MYH15: variants seen among roughly 807,000 people sequenced by gnomAD.
MYH15 encodes the protein myosin-15.
Under a neutral mutation model 240.5 loss-of-function variants are expected in MYH15, and 227 were observed. The observed-to-expected ratio is 0.94, with a 90% confidence interval of 0.85 to 1.05. The LOEUF (loss-of-function observed/expected upper bound fraction) is 1.05, where lower values mean the gene tolerates loss of function less well. MYH15 is among the 50% of genes least tolerant of loss of function. The pLI is 0.00. For synonymous variants in MYH15, 785 were observed against 796.7 expected, an observed-to-expected ratio of 0.99 and a Z score of 0.25; for missense variants, 2,217 against 2,247.5, an observed-to-expected ratio of 0.99 and a Z score of 0.27.
At position 108,441,124 on chromosome 3, in the gene MYH15, C is replaced by T. The variant is rs1383362656; in HGVS notation, c.2792G>A (p.Arg931Lys). 2 of 1,614,062 alleles carry T rather than the reference C, an allele frequency of 1.2e-6. No homozygotes were observed. The highest frequency in any genetic ancestry group is 2.7e-5 in the African/African-American group (2 of 74,932). The change falls in exon 23 of 41, where the codon AGG (arginine) becomes AAG (lysine). Residue 931 changes from arginine (R) to lysine (K), a missense_variant. Transcript: ENST00000693548. ...EEEINSELTA[R>K]GRKLEDECFE... ...ACATTCATCTTCGAGTTTCCGCCCC[C>T]TGGCAGTCAGCTCAGAATTTATCTC...
intron 11 of MYH15, among the ~76,000 whole-genome samples, chr3:108,480,073 A>C (rs1053374633): frequency 4.6e-5 from 7 of 152,230 alleles, no homozygotes; most frequent in African/African-American, 1.4e-4. Context: ...AATCTATGAG[A>C]GTAAATAAGA....
At chr3:108,493,256 T>C in intron 7 of MYH15, 79 bp from the exon 8 acceptor site, 1 of 1,020,002 alleles carries the variant, frequency 9.8e-7, no homozygotes, top group South Asian at 1.3e-5. Context: ...AATGGCTTCA[T>C]TATATGTAAC....
chr3:108,398,961 G>A, intron 34 of MYH15, 114 bp downstream of exon 34: 1 of 1,454,660 alleles, frequency 6.9e-7, no homozygotes, highest in Admixed American at 1.7e-5. Flanking sequence ...TCTCTGGAAA[G>A]ATTAGATTTG....
chr3:108,445,008 T>C, intron 21 of MYH15, 113 bp from the exon 22 acceptor site: 2 of 1,244,696 alleles, frequency 1.6e-6, no homozygotes, highest in Non-Finnish European at 2.2e-6. Context: ...AAAATTCTTA[T>C]TAGTCTTCAA....
intron 9 of MYH15, 90 bp from the exon 10 acceptor site, chr3:108,486,616 G>T (rs1312774298): frequency 2.6e-6 from 2 of 760,520 alleles, no homozygotes; most frequent in Non-Finnish European, 2.1e-6. Flanking sequence ...TTAGTCTACA[G>T]TTTATATCAT....
intron 1 of MYH15, chr3:108,529,242 A>G (rs772002052): frequency 1.3e-6 from 2 of 1,598,684 alleles, no homozygotes; most frequent in African/African-American, 1.3e-5. Flanking sequence ...AAATTAAAAC[A>G]TATGTTGGGA....
At chr3:108,532,673 GC>G, upstream of MYH15, among the ~76,000 whole-genome samples, 1 of 152,070 alleles carries the variant, frequency 6.6e-6, no homozygotes, top group Middle Eastern at 3.2e-3. Flanking sequence ...CTGTTTCTCT[GC>G]AGAACCTTGA....
rs548706892 is a variant in MYH15, at chr3:108,497,953, G to A, written c.618+99C>T. 82 of 946,238 alleles carry A rather than the reference G, an allele frequency of 8.7e-5. No individual in the cohort carries two copies. In the African/African-American group the frequency reaches 1.2e-3, roughly 13 times the overall value. 58.6% of individuals were successfully genotyped at this position (946,238 alleles called of 1,614,324 possible). On this transcript the variant is annotated intron_variant, in intron 6 of 40. Coordinates refer to ENST00000693548, the MANE Select transcript of MYH15 (RefSeq NM_014981.3). ...TATAATTTGCAAATTGTCCTGTGGT[G>A]CTTGTGGCCTCACTTCCCAAAAGTG...
intron 31 of MYH15, among the ~76,000 whole-genome samples, chr3:108,409,958 C>T (rs1219855449): frequency 2.0e-5 from 3 of 152,162 alleles, no homozygotes; most frequent in Non-Finnish European, 4.4e-5. Flanking sequence ...CATGTACAGG[C>T]ATGCAAAGAC....
At chr3:108,450,180 T>A (rs1186486454) in intron 21 of MYH15, among the ~76,000 whole-genome samples, 1 of 152,180 alleles carries the variant, frequency 6.6e-6, no homozygotes, top group Admixed American at 6.5e-5. Context: ...GGAACTACCA[T>A]AGGATCTATC....
chr3:108,511,622 CA>C (rs199725130), upstream of MYH15, among the ~76,000 whole-genome samples: 5 of 151,964 alleles, frequency 3.3e-5, no homozygotes, highest in Non-Finnish European at 5.9e-5. Flanking sequence ...TCTATTTGGA[CA>C]AAAAAAGTCT....
intron 28 of MYH15, 147 bp downstream of exon 28, chr3:108,420,941 G>T: frequency 8.9e-7 from 1 of 1,126,282 alleles, no homozygotes; most frequent in Non-Finnish European, 1.3e-6. Flanking sequence ...GCATGTGTGT[G>T]GCAAAGCTGT....
In MYH15 at chr3:108,389,014, C is replaced by T; in HGVS notation, c.5491G>A (p.Gly1831Arg). Reference protein sequence around the residue: ...EIRRSAEAQRGARRLERCIKE... With the variant: ...EIRRSAEAQRRARRLERCIKE... Reference sequence around the variant, plus strand: ...ATGCATCGCTCAAGTCTGCGGGCTCCCCTCTGGGCCTCTGCACTGCGACGG... The same window carrying T: ...ATGCATCGCTCAAGTCTGCGGGCTCTCCTCTGGGCCTCTGCACTGCGACGG... Residue 1831 changes from glycine (G) to arginine (R), a missense_variant, in exon 38 of 41, where the codon GGA becomes AGA. Gly to Arg is a moderately radical substitution (Grantham distance 125). Transcript: ENST00000693548. The T allele has an allele frequency of 1.9e-6, 3 of 1,613,720 alleles. No homozygotes were observed. Among genetic ancestry groups the T allele is most frequent in the Non-Finnish European group, 2.5e-6 (3 of 1,179,826 alleles).
chr3:108,470,301 C>G (rs2083161512), intron 13 of MYH15, 89 bp from the exon 14 acceptor site: 2 of 925,636 alleles, frequency 2.2e-6, no homozygotes, highest in Admixed American at 5.7e-5. Context: ...AAACCATAAC[C>G]ATTATTATAT....
intron 30 of MYH15, among the ~76,000 whole-genome samples, chr3:108,411,537 G>GT (rs1576216760): frequency 6.6e-6 from 1 of 152,082 alleles, no homozygotes; most frequent in Non-Finnish European, 1.5e-5. Flanking sequence ...TTCTTATGGG[G>GT]TTTTTTAGCC....
intron 21 of MYH15, 47 bp downstream of exon 21, chr3:108,453,959 G>T (rs1403420380): frequency 6.4e-7 from 1 of 1,571,272 alleles, no homozygotes. Flanking sequence ...ACTGGTTGAG[G>T]CACACTATTA....
chr3:108,389,529 C>CT (rs1226683327), intron 37 of MYH15, among the ~76,000 whole-genome samples: 1 of 152,184 alleles, frequency 6.6e-6, no homozygotes, highest in Non-Finnish European at 1.5e-5. Flanking sequence ...TCCAGTCCTG[C>CT]TTGAGCTGCC....
At chr3:108,456,657 T>G (rs554638043) in intron 19 of MYH15, 109 bp downstream of exon 19, 5 of 740,012 alleles carry the variant, frequency 6.8e-6, no homozygotes, top group Non-Finnish European at 1.2e-5. Context: ...CATCGATTTG[T>G]AGTCTGGAGG....
rs2083296106 is a variant in MYH15 at position 108,485,240 on chromosome 3, A to G, written c.976-11T>C. 2.5e-6 allele frequency: 4 copies of G among 1,613,748 alleles called. No individual in the cohort carries two copies. Among genetic ancestry groups the G allele is most frequent in the South Asian group, 2.2e-5 (2 of 90,988 alleles). ...GATGTCCATGGCTTGCTGTAAAAAG[A>G]GAAACAGATGGCCCTGTCTTCATTT... On this transcript the variant is annotated splice_polypyrimidine_tract_variant and intron_variant, in intron 10 of 40. Transcript: ENST00000693548.
Sources: gnomAD v4.1 joint callset for allele counts (sites outside exome capture counted in the v4.1 genomes callset) on GRCh38, gnomAD v4.1.1 for gene constraint, MANE v1.5 for transcripts, NCBI Gene and HGNC (gene_info 2026-07-23, HGNC 2026-07-21) for gene names.